The following CLN8 variants were observed in gnomAD, a reference collection of about 807,000 sequenced individuals.
The protein encoded by CLN8 is protein CLN8.
CLN8 carries 14 observed loss-of-function variants against 15.7 expected under a neutral mutation model. The observed-to-expected ratio is 0.89, with a 90% CI of 0.59 to 1.39. The LOEUF is 1.39. CLN8 is among the 40% of genes most tolerant of loss of function. CLN8 has a pLI of 0.00. For missense variants in CLN8, 415 were observed against 364.0 expected (o/e 1.14, Z -1.14); for synonymous variants, 188 against 151.0 (o/e 1.25, Z -1.80).
intron 1 of CLN8, among the ~76,000 whole-genome samples, chr8:1,766,699 C>T (rs192791973): frequency 2.0e-5 from 3 of 152,290 alleles, no homozygotes; most frequent in Non-Finnish European, 2.9e-5. Context: ...CCGATTCGGC[C>T]TCCAGTTTTA....
At chr8:1,762,544 G>A (rs1199244158), upstream of CLN8, 1 of 152,072 alleles carries the variant, frequency 6.6e-6, no homozygotes, top group African/African-American at 2.4e-5. Context: ...ACAATCCTAG[G>A]GACTCAAGGC....
upstream of CLN8, chr8:1,759,948 C>T (rs979751810): frequency 5.9e-5 from 9 of 152,172 alleles, no homozygotes; most frequent in African/African-American, 2.2e-4. Context: ...GAGAACTCCT[C>T]CCATCCCTCC....
At chr8:1,765,138 C>G (rs1413555311) in intron 1 of CLN8, 1 of 152,156 alleles carries the variant, frequency 6.6e-6, no homozygotes, top group South Asian at 2.1e-4. Flanking sequence ...ACAAAGAGCA[C>G]AGGTTCTCTA....
chr8:1,760,817 G>A (rs1199024870), upstream of CLN8, among the ~76,000 whole-genome samples: 1 of 152,182 alleles, frequency 6.6e-6, no homozygotes, highest in African/African-American at 2.4e-5. Context: ...CTGATACAGA[G>A]TGGGGAGCCC....
intron 2 of CLN8, among the ~76,000 whole-genome samples, chr8:1,774,527 A>T (rs552708146): frequency 1.4e-3 from 210 of 152,324 alleles, no homozygotes; most frequent in African/African-American, 4.9e-3. Context: ...TTTCTCCCCC[A>T]TCAAGGTCTG....
At chr8:1,754,207 T>C (rs1800615977), upstream of CLN8, among the ~76,000 whole-genome samples, 1 of 152,220 alleles carries the variant, frequency 6.6e-6, no homozygotes, top group African/African-American at 2.4e-5. Context: ...CAAGTGTCTG[T>C]TTCCTGGCAG....
Position 1,782,630 on chromosome 8 carries a change from G to C in CLN8, c.*2063G>C, listed in dbSNP as rs1486171664. 1 of 152,244 alleles carries C rather than the reference G, an allele frequency of 6.6e-6. No individual in the cohort carries two copies. Among genetic ancestry groups the C allele is most frequent in the Non-Finnish European group, 1.5e-5 (1 of 68,042 alleles). The allele number at this position is 152,244 out of a possible 1,614,324, so 9.4% of individuals were successfully genotyped here. The stretch of plus-strand genomic sequence containing the variant: ...CACTCTCTGCAGCCGTGCCCTTGTG[G>C]AGTCAGCAGGAGCTGGTGTTTTTCA... On this transcript the variant is annotated 3_prime_UTR_variant, in exon 3 of 3. Transcript: ENST00000331222.
chr8:1,753,791 C>T (rs1412871845), upstream of CLN8, among the ~76,000 whole-genome samples: 1 of 150,944 alleles, frequency 6.6e-6, no homozygotes, highest in Non-Finnish European at 1.5e-5. Context: ...GAGGCTGAGG[C>T]AGGAGAATTG....
At chr8:1,770,260 G>A (rs911102900) in intron 1 of CLN8, among the ~76,000 whole-genome samples, 21 of 152,316 alleles carry the variant, frequency 1.4e-4, no homozygotes, top group Non-Finnish European at 2.6e-4. Flanking sequence ...TTCCAGGAGA[G>A]GGCCCAGCAG....
Position 1,766,122 on chromosome 8 carries a change from T to C in CLN8, c.-124+2237T>C, listed in dbSNP as rs187255638. 9.2e-5 allele frequency among the ~76,000 whole-genome samples: 14 copies of C among 152,284 alleles called. No homozygotes were observed. The East Asian group carries it at 1.9e-3, about 21-fold the overall frequency. On this transcript the variant is annotated intron_variant, in intron 1 of 2. Transcript: ENST00000331222. ...AGAGCTAACACTCTTACTGATGTGT[T>C]TGCATTCAGATTTTTAAAAAACTTC...
In CLN8 at chr8:1,782,907, G is replaced by A. The variant is rs895154606; in HGVS notation, c.*2340G>A. 2 of 152,154 alleles carry A rather than the reference G, an allele frequency of 1.3e-5. No homozygotes were observed. Among genetic ancestry groups the A allele is most frequent in the East Asian group, 1.9e-4 (1 of 5,194 alleles). The allele number at this position is 152,154 out of a possible 1,614,324, so 9.4% of individuals were successfully genotyped here. A position where few individuals can be genotyped will look rare whatever the true frequency, so the allele number is the denominator to read the frequency against. ...CACTTTACCTCCTGTATCTTCATAC[G>A]CGTGTGTGGATGCATAGAGATGGAG... On this transcript the variant is annotated 3_prime_UTR_variant, in exon 3 of 3. Transcript: ENST00000331222.
At position 1,769,298 on chromosome 8, in the gene CLN8, G is replaced by A. The variant is rs577041126; in HGVS notation, c.-123-1634G>A. Reference sequence around the variant, plus strand: ...GTGAGCTAGTGTTTTCCATGTCCTTGGGGTGTGGTCACAGCGACCTTTTTG... The same window carrying A: ...GTGAGCTAGTGTTTTCCATGTCCTTAGGGTGTGGTCACAGCGACCTTTTTG... On this transcript the variant is annotated intron_variant, in intron 1 of 2. Coordinates refer to ENST00000331222, the MANE Select transcript of CLN8 (RefSeq NM_018941.4). 2.0e-5 allele frequency among the ~76,000 whole-genome samples: 3 copies of A among 152,298 alleles called. No homozygotes were observed. The South Asian group carries it at 6.2e-4, about 32-fold the overall frequency.
chr8:1,774,041 G>A (rs1801417262), intron 2 of CLN8: 1 of 152,156 alleles, frequency 6.6e-6, no homozygotes, highest in South Asian at 2.1e-4. Flanking sequence ...AAAGACGTGA[G>A]TCTTTCTGTC....
At chr8:1,766,826 G>C (rs142457086) in intron 1 of CLN8, among the ~76,000 whole-genome samples, 1 of 152,248 alleles carries the variant, frequency 6.6e-6, no homozygotes, top group Non-Finnish European at 1.5e-5. Context: ...CCCATTTTGC[G>C]TATCAAGAGT....
At chr8:1,761,399 A>G (rs909695219), upstream of CLN8, among the ~76,000 whole-genome samples, 1 of 152,206 alleles carries the variant, frequency 6.6e-6, no homozygotes, top group African/African-American at 2.4e-5. Context: ...ATTTCAGCAC[A>G]CTGCAACCTC....
intron 1 of CLN8, chr8:1,765,180 C>G (rs954201771): frequency 6.6e-6 from 1 of 152,212 alleles, no homozygotes; most frequent in Non-Finnish European, 1.5e-5. Flanking sequence ...TACACAATGT[C>G]TTCTGATAAC....
chr8:1,780,063 C>A (rs537550150), intron 2 of CLN8, 187 bp from the exon 3 acceptor site: 2 of 985,360 alleles, frequency 2.0e-6, no homozygotes, highest in African/African-American at 1.7e-5. Flanking sequence ...CAGGTGCGCC[C>A]ACAGAGCTGG....
At chr8:1,780,100 A>T (rs111585336) in intron 2 of CLN8, 150 bp from the exon 3 acceptor site, 21 of 1,505,164 alleles carry the variant, frequency 1.4e-5, no homozygotes, top group Non-Finnish European at 1.8e-5. Flanking sequence ...TGAAGTCCCA[A>T]TGAGAGCAGA....
rs1041927739 is a variant in CLN8 at position 1,782,202 on chromosome 8, T to C, written c.*1635T>C. 4 of 152,184 alleles carry C rather than the reference T, an allele frequency of 2.6e-5. No homozygotes were observed. Among genetic ancestry groups the C allele is most frequent in the Non-Finnish European group, 5.9e-5 (4 of 68,050 alleles). The allele number at this position is 152,184 out of a possible 1,614,324, so 9.4% of individuals were successfully genotyped here. On this transcript the variant is annotated 3_prime_UTR_variant, in exon 3 of 3. Coordinates refer to ENST00000331222, the MANE Select transcript of CLN8 (RefSeq NM_018941.4). ...CTTTGGCTCCCAGGCTGGAGTCCAGTGGTGTGATCTCGGCTCACTGCAACC... is the reference window on the plus strand; with the variant it reads ...CTTTGGCTCCCAGGCTGGAGTCCAGCGGTGTGATCTCGGCTCACTGCAACC...
Sources: gnomAD v4.1 joint callset for allele counts (sites outside exome capture counted in the v4.1 genomes callset) on GRCh38, gnomAD v4.1.1 for gene constraint, MANE v1.5 for transcripts, NCBI Gene and HGNC (gene_info 2026-07-23, HGNC 2026-07-21) for gene names.